The following POMK variants were observed in gnomAD, a reference collection of about 807,000 sequenced individuals.
POMK encodes the protein Sugen kinase 196.
POMK carries 19 observed loss-of-function variants against 23.0 expected under a neutral mutation model. The ratio of observed to expected loss-of-function variants is 0.83; its 90% confidence interval spans 0.58 to 1.21. The LOEUF is 1.21. Among genes scored for constraint, POMK ranks in the 50% most tolerant of loss-of-function variants. The pLI, the probability that POMK is intolerant of heterozygous loss-of-function variation, is 0.00. For synonymous variants in POMK, 173 were observed against 171.6 expected, an observed-to-expected ratio of 1.01 and a Z score of -0.06; for missense variants, 410 against 431.3, an observed-to-expected ratio of 0.95 and a Z score of 0.44.
chr8:43,099,688 G>A (rs1469224521), intron 2 of POMK, among the ~76,000 whole-genome samples: 1 of 152,182 alleles, frequency 6.6e-6, no homozygotes, highest in African/African-American at 2.4e-5. Flanking sequence ...GCAGTGAGTT[G>A]GAGAGAATGA....
In POMK at chr8:43,109,467, G is replaced by A. The variant is rs567189787; in HGVS notation, c.282+5637G>A. ...ATGTTTCCATTAGTGTATTTTTAAC[G>A]TTAAAGCCAGTTTTAATTACATCTT... On this transcript the variant is annotated intron_variant, in intron 4 of 4. Transcript: ENST00000331373. Among the ~76,000 whole-genome samples the A allele has an allele frequency of 9.2e-5, 14 of 152,098 alleles. No homozygotes were observed. In the East Asian group the frequency reaches 1.5e-3, roughly 17 times the overall value.
intron 1 of POMK, among the ~76,000 whole-genome samples, chr8:43,095,057 T>C (rs1030545112): frequency 6.6e-6 from 1 of 152,226 alleles, no homozygotes; most frequent in African/African-American, 2.4e-5. Flanking sequence ...TGAGGTGGGC[T>C]GAAGTCTTCT....
intron 4 of POMK, among the ~76,000 whole-genome samples, chr8:43,104,285 G>A (rs1479706975): frequency 6.6e-6 from 1 of 152,050 alleles, no homozygotes; most frequent in Non-Finnish European, 1.5e-5. Flanking sequence ...ACCACGCCTG[G>A]CTAATTTTTT....
intron 2 of POMK, among the ~76,000 whole-genome samples, chr8:43,100,627 G>T (rs907219849): frequency 6.6e-6 from 1 of 151,978 alleles, no homozygotes; most frequent in African/African-American, 2.4e-5. Context: ...CGTGGTGGGT[G>T]TGTGCATGCG....
At chr8:43,104,816 C>T (rs1586672328) in intron 4 of POMK, among the ~76,000 whole-genome samples, 1 of 151,928 alleles carries the variant, frequency 6.6e-6, no homozygotes, top group Non-Finnish European at 1.5e-5. Flanking sequence ...TAATGGTGCG[C>T]ACTACTTGGG....
intron 1 of POMK, among the ~76,000 whole-genome samples, chr8:43,095,398 A>G (rs914744814): frequency 1.3e-5 from 2 of 152,108 alleles, no homozygotes; most frequent in Admixed American, 1.3e-4. Flanking sequence ...TTGCCGAGAG[A>G]GGATTCAGAA....
At chr8:43,114,342 G>A (rs564470602) in intron 4 of POMK, among the ~76,000 whole-genome samples, 124 of 152,316 alleles carry the variant, frequency 8.1e-4, no homozygotes, top group African/African-American at 2.9e-3. Context: ...GGCTCGCTGC[G>A]GCCTTGCAGT....
chr8:43,116,479 G>A (rs1811801397), intron 4 of POMK, among the ~76,000 whole-genome samples: 1 of 152,048 alleles, frequency 6.6e-6, no homozygotes, highest in Admixed American at 6.6e-5. Context: ...ATGTTGCCCA[G>A]GCCGGTCTCG....
Position 43,104,879 on chromosome 8 carries a change from C to T in POMK, c.282+1049C>T, listed in dbSNP as rs543141548. ...CTGGGGAGTTTGAGGCTACAGTAAG[C>T]CATGATCTTGCCACTGCATTCCAGA... On this transcript the variant is annotated intron_variant, in intron 4 of 4. Coordinates refer to ENST00000331373, the MANE Select transcript of POMK (RefSeq NM_032237.5). Among the ~76,000 whole-genome samples the T allele has an allele frequency of 2.1e-4, 32 of 152,026 alleles. No individual in the cohort carries two copies. The South Asian group carries it at 4.2e-3, about 20-fold the overall frequency.
At chr8:43,120,937 A>C (rs916824252) in intron 4 of POMK, among the ~76,000 whole-genome samples, 1 of 152,162 alleles carries the variant, frequency 6.6e-6, no homozygotes, top group Non-Finnish European at 1.5e-5. Context: ...TTGGCCTCCC[A>C]AAGTGTTGGA....
intron 2 of POMK, among the ~76,000 whole-genome samples, chr8:43,101,035 A>C (rs1160451069): frequency 6.6e-6 from 1 of 151,914 alleles, no homozygotes. Flanking sequence ...GAACAGTATG[A>C]GCTTGTGTGC....
At chr8:43,098,666 A>G (rs951912319) in intron 2 of POMK, among the ~76,000 whole-genome samples, 2 of 152,304 alleles carry the variant, frequency 1.3e-5, no homozygotes, top group African/African-American at 4.8e-5. Flanking sequence ...GACTGTGCTT[A>G]ACCTTTTGAG....
intron 2 of POMK, among the ~76,000 whole-genome samples, chr8:43,100,489 G>A (rs956578274): frequency 1.3e-5 from 2 of 151,924 alleles, no homozygotes; most frequent in Non-Finnish European, 2.9e-5. Context: ...GTGGTGATGG[G>A]GGTGTGTATG....
chr8:43,106,887 A>G (rs1229958134), intron 4 of POMK, among the ~76,000 whole-genome samples: 1 of 152,150 alleles, frequency 6.6e-6, no homozygotes. Flanking sequence ...ATGAAGATGG[A>G]AAAAGGCCAT....
chr8:43,108,466 C>T (rs1416291597), intron 4 of POMK, among the ~76,000 whole-genome samples: 1 of 152,116 alleles, frequency 6.6e-6, no homozygotes, highest in Non-Finnish European at 1.5e-5. Flanking sequence ...CAAGTAGAAA[C>T]AAATATGCGC....
intron 4 of POMK, among the ~76,000 whole-genome samples, chr8:43,118,567 CTT>C (rs1445650582): frequency 6.6e-6 from 1 of 152,102 alleles, no homozygotes; most frequent in African/African-American, 2.4e-5. Flanking sequence ...AAATAAAAGT[CTT>C]TTAGAAAATG....
Position 43,122,650 on chromosome 8 carries a change from T to G in POMK, c.826T>G (p.Tyr276Asp). 6.2e-7 allele frequency: 1 copy of G among 1,614,148 alleles called. No individual in the cohort carries two copies. Residue 276 changes from tyrosine to aspartate, a missense_variant, in exon 5 of 5, where the codon TAT (tyrosine) becomes GAT (aspartate). Transcript: ENST00000331373. ...VPFHDDLMPS[Y>D]DEKIDIWKIP... ...TTTCCACGATGATCTCATGCCCTCA[T>G]ATGATGAGAAGATTGACATTTGGAA...
At position 43,123,007 on chromosome 8, in the gene POMK, G is replaced by GT; in HGVS notation, c.*132dup. 1.3e-6 allele frequency: 1 copy of GT among 775,740 alleles called. No homozygotes were observed. The highest frequency in any genetic ancestry group is 2.0e-6 in the Non-Finnish European group (1 of 488,378). 48.1% of individuals were successfully genotyped at this position (775,740 alleles called of 1,614,324 possible). On this transcript the variant is annotated 3_prime_UTR_variant, in exon 5 of 5. Transcript: ENST00000331373. The stretch of plus-strand genomic sequence containing the variant: ...TTTTTATGGCTTAGCCATGTGGTTC[G>GT]TTGTCCACATCCACATGTACGTTTG...
chr8:43,099,060 C>T (rs1416352322), intron 2 of POMK, among the ~76,000 whole-genome samples: 1 of 152,230 alleles, frequency 6.6e-6, no homozygotes, highest in Non-Finnish European at 1.5e-5. Flanking sequence ...GATCCTCCCA[C>T]CTCAGCCTCC....
Sources: gnomAD v4.1 joint callset for allele counts (sites outside exome capture counted in the v4.1 genomes callset) on GRCh38, gnomAD v4.1.1 for gene constraint, MANE v1.5 for transcripts, NCBI Gene and HGNC (gene_info 2026-07-23, HGNC 2026-07-21) for gene names.